RILPL1: variants seen among roughly 807,000 people sequenced by gnomAD.
RILPL1 encodes RILP-like protein 1.
A neutral mutation model predicts 50.3 loss-of-function variants in RILPL1; 33 were observed. The ratio of observed to expected loss-of-function variants is 0.66; its 90% confidence interval spans 0.50 to 0.88. The LOEUF is 0.88. Ranked by LOEUF, RILPL1 falls within the 40% of genes least tolerant of loss-of-function variation. The pLI is 0.00. For synonymous variants in RILPL1, 205 were observed against 228.6 expected (o/e 0.90, Z 0.93); for missense variants, 418 against 542.5 (o/e 0.77, Z 2.28).
intron 2 of RILPL1, among the ~76,000 whole-genome samples, chr12:123,507,770 C>A (rs1296877856): frequency 2.0e-5 from 3 of 151,594 alleles, no homozygotes; most frequent in East Asian, 3.9e-4. Flanking sequence ...GGAGAAACCC[C>A]ATCTCTACTA....
chr12:123,484,325 T>G, intron 5 of RILPL1, 53 bp from the exon 6 acceptor site: 1 of 1,180,248 alleles, frequency 8.5e-7, no homozygotes, highest in Non-Finnish European at 1.3e-6. Context: ...CCTTGAGAAC[T>G]GGAACATTCC....
intron 2 of RILPL1, among the ~76,000 whole-genome samples, chr12:123,507,445 G>A (rs528631025): frequency 3.3e-5 from 5 of 151,736 alleles, no homozygotes; most frequent in Non-Finnish European, 7.4e-5. Flanking sequence ...CACACCTGTA[G>A]TCCCAGCTAC....
Position 123,522,965 on chromosome 12 carries a change from G to A in RILPL1, c.460+530C>T, listed in dbSNP as rs1221411468. On this transcript the variant is annotated intron_variant, in intron 2 of 6. Transcript: ENST00000376874. This position sits in a 1 kb window ranked among gnomAD's most constrained non-coding sequence, Gnocchi z 4.0. ...TTGCATGACTGCCCCTGCAACCCCC[G>A]ACCCAACAAATGCAGATATTTGCGT... Among the ~76,000 whole-genome samples the A allele has an allele frequency of 1.3e-5, 2 of 151,888 alleles. No individual in the cohort carries two copies. The highest frequency in any genetic ancestry group is 2.9e-5 in the Non-Finnish European group (2 of 67,964).
At chr12:123,507,953 G>GAAAAAA (rs56309765) in intron 2 of RILPL1, among the ~76,000 whole-genome samples, 9 of 114,944 alleles carry the variant, frequency 7.8e-5, no homozygotes, top group Non-Finnish European at 7.1e-5. Context: ...AAAAAAAAAA[G>GAAAAAA]AAAAAAAAAA....
intron 2 of RILPL1, among the ~76,000 whole-genome samples, chr12:123,508,395 A>AAAAAAAC (rs927144496): frequency 2.0e-5 from 3 of 152,140 alleles, no homozygotes; most frequent in East Asian, 3.9e-4. Context: ...CCCTGCCTCA[A>AAAAAAAC]AAAAAACAAA....
In RILPL1 at chr12:123,533,445, G is replaced by C; in HGVS notation, c.38C>G (p.Ser13Trp). 6.5e-7 allele frequency: 1 copy of C among 1,532,036 alleles called. No homozygotes were observed. Among genetic ancestry groups the C allele is most frequent in the Non-Finnish European group, 8.8e-7 (1 of 1,136,626 alleles). 94.9% of individuals were successfully genotyped at this position (1,532,036 alleles called of 1,614,324 possible). The part of the protein sequence containing the change: ...EERGSALAAE[S>W]ALEKNVAELT... The stretch of plus-strand genomic sequence containing the variant: ...CTCGGCCACGTTCTTCTCCAGCGCC[G>C]ACTCGGCCGCCAGCGCCGACCCCCG... The change falls in exon 1 of 7, where the codon TCG becomes TGG. Residue 13 changes from serine (S) to tryptophan (W), a missense_variant. Ser to Trp is a radical substitution (Grantham distance 177, BLOSUM62 -3). Transcript: ENST00000376874. The surrounding 1 kb of genome is among the most constrained non-coding windows in gnomAD (Gnocchi z 6.2).
rs1366763805 is a variant in RILPL1, at chr12:123,498,500, G to C, written c.801+44C>G. 1.3e-6 allele frequency: 2 copies of C among 1,576,688 alleles called. No homozygotes were observed. The highest frequency in any genetic ancestry group is 1.3e-5 in the African/African-American group (1 of 74,210). On this transcript the variant is annotated intron_variant, in intron 4 of 6. Transcript: ENST00000376874. This position sits in a 1 kb window ranked among gnomAD's most constrained non-coding sequence, Gnocchi z 4.3. ...CCTGCCTGCCTTAAGCCAACCCCCA[G>C]ACTGACCCTCTGCTACCACCTCTGC...
chr12:123,511,793 G>A (rs1458841123), intron 2 of RILPL1, among the ~76,000 whole-genome samples: 1 of 127,528 alleles, frequency 7.8e-6, no homozygotes, highest in Non-Finnish European at 1.6e-5. Context: ...TGTGTGTGAG[G>A]TCTGTGTGTG....
intron 6 of RILPL1, among the ~76,000 whole-genome samples, chr12:123,482,122 T>C (rs1025984228): frequency 1.3e-5 from 2 of 152,114 alleles, no homozygotes; most frequent in African/African-American, 4.8e-5. Context: ...TCCACCCACC[T>C]AGACCTCCCA....
chr12:123,498,451 G>T lies in RILPL1; in HGVS notation c.801+93C>A. ...TTGCCCAGGTTGGCCATTTTCTGAA[G>T]TATAATGGGGAAAACAAGGCAACCC... On this transcript the variant is annotated intron_variant, in intron 4 of 6. Coordinates refer to ENST00000376874, the MANE Select transcript of RILPL1 (RefSeq NM_178314.5). The surrounding 1 kb of genome is among the most constrained non-coding windows in gnomAD (Gnocchi z 4.3). 8.6e-7 allele frequency: 1 copy of T among 1,158,830 alleles called. No individual in the cohort carries two copies. Among genetic ancestry groups the T allele is most frequent in the Non-Finnish European group, 1.3e-6 (1 of 795,676 alleles). The allele number at this position is 1,158,830 out of a possible 1,614,324, so 71.8% of individuals were successfully genotyped here.
intron 2 of RILPL1, among the ~76,000 whole-genome samples, chr12:123,508,886 A>T (rs1459657871): frequency 6.6e-6 from 1 of 151,686 alleles, no homozygotes; most frequent in Non-Finnish European, 1.5e-5. Context: ...AAAAGTTGCT[A>T]AAAAAAACAA....
rs755237296 is a variant in RILPL1, at chr12:123,485,804, G to A, written c.803C>T (p.Thr268Met). The A allele has an allele frequency of 2.7e-5, 44 of 1,601,704 alleles. No individual in the cohort carries two copies. The highest frequency in any genetic ancestry group is 1.7e-4 in the South Asian group (15 of 89,926). ...GATGCTCTCCTCTCCCACCGGCTCC[G>A]TCTGGAGGAGGCAGAGATGCTGCTA... ...HSQNGEEEPE[T>M]EPVGEESISD... is the part of the protein sequence containing the mutation. The change falls in exon 5 of 7, where the codon ACG (threonine) becomes ATG (methionine). Residue 268 changes from threonine (T) to methionine (M), a missense_variant and splice_region_variant. Coordinates refer to ENST00000376874, the MANE Select transcript of RILPL1 (RefSeq NM_178314.5). This position sits in a 1 kb window ranked among gnomAD's most constrained non-coding sequence, Gnocchi z 4.0.
chr12:123,488,444 C>CAA (rs542226782), intron 4 of RILPL1, among the ~76,000 whole-genome samples: 19 of 76,966 alleles, frequency 2.5e-4, no homozygotes, highest in African/African-American at 5.0e-4. Flanking sequence ...GACCCTGTCT[C>CAA]AAAAAAAAAA....
intron 6 of RILPL1, among the ~76,000 whole-genome samples, chr12:123,483,848 C>T (rs951026659): frequency 7.9e-5 from 12 of 152,188 alleles, no homozygotes; most frequent in African/African-American, 2.7e-4. Flanking sequence ...CCACCCCTAC[C>T]TCGCTACCCT....
At chr12:123,496,089 C>T (rs1170997687) in intron 4 of RILPL1, among the ~76,000 whole-genome samples, 2 of 151,822 alleles carry the variant, frequency 1.3e-5, no homozygotes, top group Non-Finnish European at 2.9e-5. Flanking sequence ...CTCAGTTCAC[C>T]ACAACCTCCA....
chr12:123,491,147 CA>C lies in RILPL1; in HGVS notation c.802-5343del, dbSNP rs1390325594. ...CAGGCAGTGACCGCAGGGCCACGGG[CA>C]GCCCAGGACTATCCGGTTCAGACTG... is the stretch of plus-strand genomic sequence containing the variant. On this transcript the variant is annotated intron_variant, in intron 4 of 6. Transcript: ENST00000376874. This position sits in a 1 kb window ranked among gnomAD's most constrained non-coding sequence, Gnocchi z 4.0. 3.9e-5 allele frequency among the ~76,000 whole-genome samples: 6 copies of C among 152,222 alleles called. No individual in the cohort carries two copies. Among genetic ancestry groups the C allele is most frequent in the Non-Finnish European group, 5.9e-5 (4 of 68,042 alleles).
intron 4 of RILPL1, among the ~76,000 whole-genome samples, chr12:123,496,543 G>A (rs1243699345): frequency 6.6e-6 from 1 of 152,168 alleles, no homozygotes; most frequent in Admixed American, 6.5e-5. Flanking sequence ...CATCTGCTGG[G>A]AGAAAACACA....
chr12:123,513,040 G>C (rs934978851), intron 2 of RILPL1, among the ~76,000 whole-genome samples: 1 of 145,110 alleles, frequency 6.9e-6, no homozygotes. Flanking sequence ...TCTGTGTGGT[G>C]TGTGAGGTTT....
rs2139327899 is a variant in RILPL1 at position 123,491,825 on chromosome 12, T to TA, written c.802-6021dup. ...TTCGAGATCAGCCTGGGCAACATGGTAAAACCCTGTCTCTACTAAAAATAC... is the reference window on the plus strand; with the variant it reads ...TTCGAGATCAGCCTGGGCAACATGGTAAAAACCCTGTCTCTACTAAAAATAC... On this transcript the variant is annotated intron_variant, in intron 4 of 6. Coordinates refer to ENST00000376874, the MANE Select transcript of RILPL1 (RefSeq NM_178314.5). This position sits in a 1 kb window ranked among gnomAD's most constrained non-coding sequence, Gnocchi z 4.0. Among the ~76,000 whole-genome samples the TA allele has an allele frequency of 6.6e-6, 1 of 151,856 alleles. No homozygotes were observed. Among genetic ancestry groups the TA allele is most frequent in the Admixed American group, 6.6e-5 (1 of 15,216 alleles).
Sources: gnomAD v4.1 joint callset for allele counts (sites outside exome capture counted in the v4.1 genomes callset) on GRCh38, gnomAD v4.1.1 for gene constraint, Gnocchi (gnomAD v3.1) non-coding constraint, MANE v1.5 for transcripts, NCBI Gene and HGNC (gene_info 2026-07-23, HGNC 2026-07-21) for gene names.